The following NXPH1 variants were observed in gnomAD, a reference collection of about 807,000 sequenced individuals.
The protein encoded by NXPH1 is neurexophilin 1.
In NXPH1, 5 loss-of-function variants were observed where a neutral mutation model predicts 23.7. That is an observed-to-expected ratio of 0.21 (90% confidence interval 0.11 to 0.44). The LOEUF is 0.44. Among genes scored for constraint, NXPH1 ranks in the 20% least tolerant of loss-of-function variants. NXPH1 has a pLI of 0.99. For missense variants in NXPH1, 324 were observed against 321.6 expected (o/e 1.01, Z -0.06); for synonymous variants, 144 against 122.2 (o/e 1.18, Z -1.18).
chr7:8,735,847 T>G, intron 2 of NXPH1, among the ~76,000 whole-genome samples: 1 of 152,186 alleles, frequency 6.6e-6, no homozygotes, highest in East Asian at 1.9e-4. Flanking sequence ...TTCAATTTCT[T>G]CTTTGTTTAG....
At chr7:8,441,936 G>A (rs1212219266) in intron 2 of NXPH1, among the ~76,000 whole-genome samples, 1 of 151,592 alleles carries the variant, frequency 6.6e-6, no homozygotes, top group African/African-American at 2.4e-5. Context: ...GGGGTCTGTG[G>A]GGGTGGGCGG....
chr7:8,633,268 T>C (rs1238911186), intron 2 of NXPH1, among the ~76,000 whole-genome samples: 2 of 152,078 alleles, frequency 1.3e-5, no homozygotes, highest in African/African-American at 4.8e-5. Context: ...CTGTGTCTAC[T>C]AAAAATACAA....
chr7:8,631,830 C>A (rs1820135434), intron 2 of NXPH1, among the ~76,000 whole-genome samples: 1 of 152,128 alleles, frequency 6.6e-6, no homozygotes, highest in Non-Finnish European at 1.5e-5. Flanking sequence ...GCAAGTTATA[C>A]CTTAGAAGTG....
At chr7:8,724,829 G>A (rs1466328925) in intron 2 of NXPH1, among the ~76,000 whole-genome samples, 1 of 152,112 alleles carries the variant, frequency 6.6e-6, no homozygotes, top group African/African-American at 2.4e-5. Context: ...AGATCTCTCT[G>A]GCTAAACATC....
chr7:8,520,850 A>C (rs1227973000), intron 2 of NXPH1, among the ~76,000 whole-genome samples: 1 of 152,118 alleles, frequency 6.6e-6, no homozygotes, highest in Non-Finnish European at 1.5e-5. Context: ...GGCCTTGTCC[A>C]TCACTGCAGA....
intron 2 of NXPH1, among the ~76,000 whole-genome samples, chr7:8,698,715 G>C (rs186251962): frequency 6.6e-6 from 1 of 152,230 alleles, no homozygotes; most frequent in African/African-American, 2.4e-5. Flanking sequence ...GAGAACCACA[G>C]ATCTATATAA....
chr7:8,465,858 C>T (rs1418160317), intron 2 of NXPH1, among the ~76,000 whole-genome samples: 1 of 152,180 alleles, frequency 6.6e-6, no homozygotes, highest in Non-Finnish European at 1.5e-5. Context: ...TGTTGGCATG[C>T]TACTAACTAA....
chr7:8,485,421 A>G (rs1563324193), intron 2 of NXPH1, among the ~76,000 whole-genome samples: 2 of 152,144 alleles, frequency 1.3e-5, no homozygotes, highest in Non-Finnish European at 2.9e-5. Context: ...CTGAAGCCAA[A>G]CTAAATAAAA....
At chr7:8,684,605 A>G (rs777252157) in intron 2 of NXPH1, among the ~76,000 whole-genome samples, 1 of 152,190 alleles carries the variant, frequency 6.6e-6, no homozygotes, top group Non-Finnish European at 1.5e-5. Flanking sequence ...GCACACTTAC[A>G]GAACAGTAAC....
chr7:8,712,490 C>T (rs1779812792), intron 2 of NXPH1, among the ~76,000 whole-genome samples: 3 of 152,214 alleles, frequency 2.0e-5, no homozygotes, highest in Non-Finnish European at 4.4e-5. Context: ...ATTCTTCCCT[C>T]TGTGTCTTGG....
chr7:8,596,098 G>T (rs61263326), intron 2 of NXPH1, among the ~76,000 whole-genome samples: 1 of 151,886 alleles, frequency 6.6e-6, no homozygotes, highest in Non-Finnish European at 1.5e-5. Flanking sequence ...TTTTTTTCCT[G>T]GGGATTTTGC....
chr7:8,742,959 G>GT (rs1389993691), intron 2 of NXPH1, among the ~76,000 whole-genome samples: 1 of 146,214 alleles, frequency 6.8e-6, no homozygotes, highest in Non-Finnish European at 1.6e-5. Context: ...TAGTGAGTGT[G>GT]TGCGTGTGTG....
At chr7:8,543,298 A>G (rs977907710) in intron 2 of NXPH1, among the ~76,000 whole-genome samples, 2 of 151,558 alleles carry the variant, frequency 1.3e-5, no homozygotes, top group African/African-American at 4.8e-5. Context: ...AACCTTATCC[A>G]TGCAAGCTCC....
rs112632818 is a variant in NXPH1 at position 8,711,987 on chromosome 7, G to T, written c.55-39021G>T. ...GTTCACATTATCTGCCATTCACTTG[G>T]GTTTCACAACTAGAAATTCTTCTTG... On this transcript the variant is annotated intron_variant, in intron 2 of 2. Coordinates refer to ENST00000405863, the MANE Select transcript of NXPH1 (RefSeq NM_152745.3). Among the ~76,000 whole-genome samples, 844 of 152,274 alleles carry T rather than the reference G, an allele frequency of 5.5e-3. 10 individuals carry two copies. Among genetic ancestry groups the T allele is most frequent in the African/African-American group, 0.019 (808 of 41,548 alleles).
chr7:8,595,500 TTAGTTTACATAGCGAAAATCCTTA>T (rs780022941), intron 2 of NXPH1, among the ~76,000 whole-genome samples: 2 of 152,052 alleles, frequency 1.3e-5, no homozygotes, highest in Non-Finnish European at 2.9e-5. Flanking sequence ...ATTTCATAAT[TTAGTTTACATAGCGAAAATCCTTA>T]AACATTGTAA....
intron 2 of NXPH1, among the ~76,000 whole-genome samples, chr7:8,710,073 T>C (rs1055056418): frequency 6.6e-6 from 1 of 152,160 alleles, no homozygotes; most frequent in East Asian, 1.9e-4. Context: ...ATGAACAGAA[T>C]TGAATAATTA....
intron 2 of NXPH1, among the ~76,000 whole-genome samples, chr7:8,462,719 G>A (rs1816716349): frequency 6.6e-6 from 1 of 152,110 alleles, no homozygotes; most frequent in Admixed American, 6.5e-5. Flanking sequence ...TGTTGTACAT[G>A]ATATATACAA....
chr7:8,630,584 CTAAGT>C (rs1820105637), intron 2 of NXPH1, among the ~76,000 whole-genome samples: 1 of 152,160 alleles, frequency 6.6e-6, no homozygotes, highest in Admixed American at 6.6e-5. Flanking sequence ...ATTCAACATT[CTAAGT>C]TGTCATTTTA....
intron 2 of NXPH1, among the ~76,000 whole-genome samples, chr7:8,725,690 T>G (rs1435172879): frequency 6.6e-6 from 1 of 152,180 alleles, no homozygotes; most frequent in African/African-American, 2.4e-5. Context: ...TAGACTTTAT[T>G]TTTTCTTAGA....
Sources: gnomAD v4.1 joint callset for allele counts (sites outside exome capture counted in the v4.1 genomes callset) on GRCh38, gnomAD v4.1.1 for gene constraint, MANE v1.5 for transcripts, NCBI Gene and HGNC (gene_info 2026-07-23, HGNC 2026-07-21) for gene names.